MEGF11: variants seen among roughly 807,000 people sequenced by gnomAD.
MEGF11 encodes the protein multiple EGF like domains 11.
A neutral mutation model predicts 146.6 loss-of-function variants in MEGF11; 126 were observed. The observed-to-expected ratio is 0.86, with a 90% CI of 0.74 to 1.00. The LOEUF (loss-of-function observed/expected upper bound fraction) is 1.00, where lower values mean the gene tolerates loss of function less well. Ranked by LOEUF, MEGF11 falls within the 50% of genes least tolerant of loss-of-function variation. The pLI is 0.00. For synonymous variants in MEGF11, 532 were observed against 583.4 expected, an observed-to-expected ratio of 0.91 and a Z score of 1.27; for missense variants, 1,509 against 1,521.2, an observed-to-expected ratio of 0.99 and a Z score of 0.13.
At chr15:66,172,093 G>A (rs910864070) in intron 1 of MEGF11, among the ~76,000 whole-genome samples, 32 of 152,172 alleles carry the variant, frequency 2.1e-4, no homozygotes, top group Admixed American at 1.3e-4. Flanking sequence ...GCAGAGTGAC[G>A]GATGGTGGCG....
At chr15:66,223,013 C>T (rs1008450555) in intron 1 of MEGF11, among the ~76,000 whole-genome samples, 3 of 152,140 alleles carry the variant, frequency 2.0e-5, no homozygotes, top group Non-Finnish European at 4.4e-5. Context: ...AAAGAAAATA[C>T]GTGTCCCTGC....
intron 18 of MEGF11, among the ~76,000 whole-genome samples, 188 bp from the exon 19 acceptor site, chr15:65,915,786 C>A (rs1453577129): frequency 1.3e-5 from 2 of 152,066 alleles, no homozygotes; most frequent in Non-Finnish European, 2.9e-5. Context: ...GTGAGCAGGG[C>A]CCACTCACCC....
At chr15:65,970,988 C>CA (rs1482704246) in intron 7 of MEGF11, 42 of 416,576 alleles carry the variant, frequency 1.0e-4, no homozygotes, top group East Asian at 7.3e-4. Flanking sequence ...CAGAAAGAGC[C>CA]AAAAAAACCG....
At chr15:66,155,190 C>T (rs1165049488) in intron 1 of MEGF11, among the ~76,000 whole-genome samples, 1 of 152,216 alleles carries the variant, frequency 6.6e-6, no homozygotes, top group South Asian at 2.1e-4. Context: ...TGGCTCTGTG[C>T]CTCAGTGTTG....
intron 4 of MEGF11, among the ~76,000 whole-genome samples, chr15:66,109,960 G>A (rs1040266574): frequency 6.6e-6 from 1 of 152,232 alleles, no homozygotes; most frequent in African/African-American, 2.4e-5. Context: ...TCACTTCTGA[G>A]TGAGAGAGAT....
At chr15:66,070,311 G>T (rs2085313070) in intron 5 of MEGF11, among the ~76,000 whole-genome samples, 1 of 152,196 alleles carries the variant, frequency 6.6e-6, no homozygotes, top group African/African-American at 2.4e-5. Flanking sequence ...CCAGAGAGGT[G>T]GGCTCTGGAA....
At chr15:65,899,458 T>G (rs2078438354) in intron 24 of MEGF11, among the ~76,000 whole-genome samples, 1 of 152,226 alleles carries the variant, frequency 6.6e-6, no homozygotes, top group Non-Finnish European at 1.5e-5. Context: ...TTCTCCCGCC[T>G]CAGCCTCCTG....
chr15:66,066,453 AATG>A (rs1187167218), intron 5 of MEGF11, among the ~76,000 whole-genome samples: 2 of 152,228 alleles, frequency 1.3e-5, no homozygotes, highest in African/African-American at 4.8e-5. Context: ...TGGCTATTTC[AATG>A]ATAATTTTAA....
intron 5 of MEGF11, among the ~76,000 whole-genome samples, chr15:66,004,694 A>G (rs2082469358): frequency 6.6e-6 from 1 of 152,102 alleles, no homozygotes; most frequent in Non-Finnish European, 1.5e-5. Flanking sequence ...TGCAAAAGGT[A>G]TTCAAGCAGA....
intron 1 of MEGF11, among the ~76,000 whole-genome samples, chr15:66,184,565 C>T (rs1028567978): frequency 2.6e-5 from 4 of 151,386 alleles, no homozygotes; most frequent in African/African-American, 9.7e-5. Flanking sequence ...AAACCACCCC[C>T]GCCATCGCTA....
At chr15:65,934,923 T>G (rs2079714738) in intron 10 of MEGF11, among the ~76,000 whole-genome samples, 1 of 152,162 alleles carries the variant, frequency 6.6e-6, no homozygotes. Context: ...TCCTTTATAA[T>G]AAACTGGTAA....
At chr15:66,189,863 C>T (rs139872802) in intron 1 of MEGF11, among the ~76,000 whole-genome samples, 112 of 152,114 alleles carry the variant, frequency 7.4e-4, no homozygotes, top group African/African-American at 2.6e-3. Flanking sequence ...CGAAAGCAAT[C>T]GTATTCTTCT....
intron 1 of MEGF11, among the ~76,000 whole-genome samples, chr15:66,233,606 A>G (rs1167154091): frequency 6.6e-6 from 1 of 152,062 alleles, no homozygotes; most frequent in African/African-American, 2.4e-5. Context: ...AAAACAAACT[A>G]CCCAAAGTCA....
At chr15:66,212,197 A>G (rs2091476633) in intron 1 of MEGF11, among the ~76,000 whole-genome samples, 1 of 152,092 alleles carries the variant, frequency 6.6e-6, no homozygotes, top group African/African-American at 2.4e-5. Context: ...CAGGGCAAGG[A>G]AGGGCAACAA....
At chr15:66,158,257 T>G (rs2089835731) in intron 1 of MEGF11, among the ~76,000 whole-genome samples, 1 of 152,248 alleles carries the variant, frequency 6.6e-6, no homozygotes, top group African/African-American at 2.4e-5. Flanking sequence ...GGAATTCCTC[T>G]TCCTGTGTGC....
chr15:65,897,414 T>C lies in MEGF11; in HGVS notation c.*520A>G, dbSNP rs1398503331. ...GTTGTAATTTGATGGACCAGACAGATATGTACAGACATTTTAAGACTGTTC... is the reference window on the plus strand; with the variant it reads ...GTTGTAATTTGATGGACCAGACAGACATGTACAGACATTTTAAGACTGTTC... On this transcript the variant is annotated 3_prime_UTR_variant, in exon 26 of 26. Transcript: ENST00000395614. 6.6e-6 allele frequency: 1 copy of C among 152,254 alleles called. No individual in the cohort carries two copies. Among genetic ancestry groups the C allele is most frequent in the Non-Finnish European group, 1.5e-5 (1 of 68,066 alleles). The allele number at this position is 152,254 out of a possible 1,614,324, so 9.4% of individuals were successfully genotyped here.
intron 15 of MEGF11, among the ~76,000 whole-genome samples, chr15:65,920,652 G>A (rs1189180317): frequency 6.6e-6 from 1 of 152,256 alleles, no homozygotes; most frequent in Non-Finnish European, 1.5e-5. Context: ...GTGGACAGAA[G>A]GGGGGCTGGT....
At chr15:66,128,733 C>T (rs1056669948) in intron 1 of MEGF11, among the ~76,000 whole-genome samples, 36 of 152,270 alleles carry the variant, frequency 2.4e-4, no homozygotes, top group Non-Finnish European at 2.9e-5. Context: ...CTCAGGCCCC[C>T]GGGCCCATCC....
At chr15:66,072,804 G>A (rs1467388252) in intron 5 of MEGF11, among the ~76,000 whole-genome samples, 3 of 152,200 alleles carry the variant, frequency 2.0e-5, no homozygotes, top group Non-Finnish European at 4.4e-5. Context: ...GCCCAGGAAG[G>A]TTGCCTGGCT....
Sources: gnomAD v4.1 joint callset for allele counts (sites outside exome capture counted in the v4.1 genomes callset) on GRCh38, gnomAD v4.1.1 for gene constraint, MANE v1.5 for transcripts, NCBI Gene and HGNC (gene_info 2026-07-23, HGNC 2026-07-21) for gene names.